PTK2: variants seen among roughly 807,000 people sequenced by gnomAD.
PTK2 encodes the protein protein tyrosine kinase 2, also known as focal adhesion kinase 1.
A neutral mutation model predicts 150.1 loss-of-function variants in PTK2; 45 were observed. The observed-to-expected ratio is 0.30, with a 90% CI of 0.24 to 0.38. The LOEUF is 0.38. Ranked by LOEUF, PTK2 falls within the 10% of genes least tolerant of loss-of-function variation. The pLI, the probability that PTK2 is intolerant of heterozygous loss-of-function variation, is 1.00. For missense variants in PTK2, 919 were observed against 1,307.3 expected (o/e 0.70, Z 4.58); for synonymous variants, 432 against 449.2 (o/e 0.96, Z 0.48).
intron 24 of PTK2, among the ~76,000 whole-genome samples, chr8:140,705,654 T>C (rs991099244): frequency 1.3e-5 from 2 of 152,254 alleles, no homozygotes; most frequent in African/African-American, 4.8e-5. Context: ...TTACTTTGTG[T>C]CAAGTCCTTT....
intron 12 of PTK2, among the ~76,000 whole-genome samples, chr8:140,795,024 C>G (rs964957079): frequency 1.3e-5 from 2 of 152,176 alleles, no homozygotes; most frequent in African/African-American, 4.8e-5. Context: ...CCAATCCATA[C>G]CCAGTGCAGC....
intron 27 of PTK2, among the ~76,000 whole-genome samples, chr8:140,677,635 A>T (rs1446836214): frequency 2.0e-5 from 3 of 152,246 alleles, no homozygotes; most frequent in Non-Finnish European, 4.4e-5. Flanking sequence ...GCTATAAAAA[A>T]TAGCACACAA....
intron 1 of PTK2, among the ~76,000 whole-genome samples, chr8:140,973,751 A>C (rs1345277023): frequency 6.6e-6 from 1 of 152,146 alleles, no homozygotes; most frequent in Non-Finnish European, 1.5e-5. Context: ...TGCCACCTAA[A>C]CTTTGCCATG....
intron 7 of PTK2, among the ~76,000 whole-genome samples, chr8:140,843,414 C>T (rs1257342275): frequency 6.6e-6 from 1 of 152,166 alleles, no homozygotes; most frequent in East Asian, 1.9e-4. Flanking sequence ...CTCACATAGA[C>T]TCTATCTTTC....
intron 29 of PTK2, chr8:140,672,132 G>A (rs766642391): frequency 6.8e-5 from 31 of 453,434 alleles, no homozygotes; most frequent in Non-Finnish European, 1.2e-4. Flanking sequence ...TGTAATACAA[G>A]CCATTTTGAA....
chr8:140,798,729 G>A (rs921349367), intron 12 of PTK2, among the ~76,000 whole-genome samples: 1 of 151,998 alleles, frequency 6.6e-6, no homozygotes, highest in East Asian at 1.9e-4. Context: ...AAAGGAAATG[G>A]GCAATCTATT....
At chr8:140,974,393 A>C (rs1394794162) in intron 1 of PTK2, among the ~76,000 whole-genome samples, 6 of 152,078 alleles carry the variant, frequency 3.9e-5, no homozygotes. Context: ...TACTCTACAA[A>C]CTTTAGCTTT....
At chr8:140,737,690 A>G (rs1284878571) in intron 21 of PTK2, among the ~76,000 whole-genome samples, 1 of 152,240 alleles carries the variant, frequency 6.6e-6, no homozygotes, top group African/African-American at 2.4e-5. Context: ...GGACAACTAC[A>G]TTAAAATAAT....
intron 8 of PTK2, among the ~76,000 whole-genome samples, chr8:140,819,290 T>C (rs2100106734): frequency 6.6e-6 from 1 of 152,210 alleles, no homozygotes; most frequent in South Asian, 2.1e-4. Flanking sequence ...AAACAGAAGT[T>C]TGTACTATAT....
intron 8 of PTK2, among the ~76,000 whole-genome samples, chr8:140,822,628 T>C (rs1038819710): frequency 6.6e-6 from 1 of 152,190 alleles, no homozygotes; most frequent in Non-Finnish European, 1.5e-5. Flanking sequence ...CTCTGCTTGA[T>C]AGAAGAAACC....
At chr8:140,800,534 T>C in exon 12 of PTK2, 1 of 1,613,920 alleles carries the variant, frequency 6.2e-7, no homozygotes, top group Non-Finnish European at 8.5e-7. Flanking sequence ...AGGTCAGCCA[T>C]ATTCTCCGCA....
At chr8:140,698,184 T>C (rs923222672) in intron 26 of PTK2, among the ~76,000 whole-genome samples, 2 of 152,198 alleles carry the variant, frequency 1.3e-5, no homozygotes, top group African/African-American at 4.8e-5. Context: ...ATGTTCTTCT[T>C]TGTCAGAGCA....
At chr8:140,856,657 G>T (rs2100132861) in intron 5 of PTK2, among the ~76,000 whole-genome samples, 1 of 152,174 alleles carries the variant, frequency 6.6e-6, no homozygotes, top group African/African-American at 2.4e-5. Context: ...GGGTCAGTGG[G>T]AAACTTCCTG....
chr8:140,930,327 G>C (rs2100171245), intron 1 of PTK2, among the ~76,000 whole-genome samples: 1 of 152,152 alleles, frequency 6.6e-6, no homozygotes. Flanking sequence ...GTCCTAAATT[G>C]CAAGGATTTC....
chr8:140,991,891 C>G (rs901570207), intron 1 of PTK2, among the ~76,000 whole-genome samples: 4 of 152,190 alleles, frequency 2.6e-5, no homozygotes, highest in Admixed American at 1.3e-4. Context: ...CGCCTGTAGT[C>G]CCAGCTACTC....
intron 29 of PTK2, among the ~76,000 whole-genome samples, chr8:140,673,658 A>C (rs1166090193): frequency 2.6e-5 from 4 of 152,122 alleles, no homozygotes; most frequent in African/African-American, 4.8e-5. Flanking sequence ...CTGCTGCTCT[A>C]GTGGCTCCAG....
chr8:140,833,258 T>C lies in PTK2; in HGVS notation c.594-2732A>G, dbSNP rs1358469196. On this transcript the variant is annotated intron_variant, in intron 7 of 31. Transcript: ENST00000522684. ...AAACTTCTTTTGACTAATAATGAAT[T>C]TGTAACGTTTGTCCATATGTTAGAA... Among the ~76,000 whole-genome samples, 4 of 152,176 alleles carry C rather than the reference T, an allele frequency of 2.6e-5. No individual in the cohort carries two copies. The East Asian group carries it at 7.7e-4, about 29-fold the overall frequency.
intron 4 of PTK2, among the ~76,000 whole-genome samples, chr8:140,878,844 TAAAAA>T (rs34124997): frequency 7.8e-6 from 1 of 128,642 alleles, no homozygotes; most frequent in Non-Finnish European, 1.7e-5. Context: ...TGCTTAGTAG[TAAAAA>T]AAAAAAAAAA....
intron 7 of PTK2, among the ~76,000 whole-genome samples, chr8:140,838,735 G>A (rs549218645): frequency 2.0e-5 from 3 of 152,204 alleles, no homozygotes; most frequent in South Asian, 2.1e-4. Context: ...GGCCGGGCGC[G>A]GTGGCTCACG....
Sources: allele counts gnomAD v4.1 joint callset (sites outside exome capture counted in the v4.1 genomes callset), GRCh38; gene constraint gnomAD v4.1.1; transcripts MANE v1.5; gene names NCBI Gene and HGNC (gene_info 2026-07-23, HGNC 2026-07-21).